BANK1: variants seen among roughly 807,000 people sequenced by gnomAD.
BANK1 encodes the protein B-cell scaffold protein with ankyrin repeats.
A neutral mutation model predicts 94.5 loss-of-function variants in BANK1; 95 were observed. The observed-to-expected ratio is 1.00, with a 90% CI of 0.85 to 1.19. The LOEUF (loss-of-function observed/expected upper bound fraction) is 1.19. BANK1 is among the 50% of genes most tolerant of loss of function. The pLI, the probability that BANK1 is intolerant of heterozygous loss-of-function variation, is 0.00. For missense variants in BANK1, 987 were observed against 932.2 expected, an observed-to-expected ratio of 1.06 and a Z score of -0.77; for synonymous variants, 334 against 308.4, an observed-to-expected ratio of 1.08 and a Z score of -0.87.
chr4:102,024,787 A>G (rs1183729828), intron 8 of BANK1, among the ~76,000 whole-genome samples: 9 of 152,132 alleles, frequency 5.9e-5, no homozygotes, highest in Admixed American at 3.3e-4. Context: ...ATTCATTTCT[A>G]TTTATTATTT....
Position 101,945,835 on chromosome 4 carries a change from C to T in BANK1, c.1206+27646C>T, listed in dbSNP as rs1723908133. ...TGAGCATAAGAGAGGATAGAAACAC[C>T]AATGACATCAGGACATATACTACAT... On this transcript the variant is annotated intron_variant, in intron 7 of 16. Coordinates refer to ENST00000322953, the MANE Select transcript of BANK1 (RefSeq NM_017935.5). Among the ~76,000 whole-genome samples the T allele has an allele frequency of 2.6e-5, 4 of 151,796 alleles. 1 individual carries two copies. Among genetic ancestry groups the T allele is most frequent in the South Asian group, 4.1e-4 (2 of 4,820 alleles).
At chr4:101,944,039 T>A (rs2631250) in intron 7 of BANK1, among the ~76,000 whole-genome samples, 82,715 of 126,308 alleles carry the variant, frequency 0.65, 23,383 homozygotes, top group South Asian at 0.79. Flanking sequence ...TGTGTGTGTG[T>A]GAGAGAGAGA....
At chr4:101,828,383 T>TTATTTATATATATATATATATATATATA (rs1360582658) in intron 1 of BANK1, among the ~76,000 whole-genome samples, 1 of 142,126 alleles carries the variant, frequency 7.0e-6, no homozygotes, top group African/African-American at 2.6e-5. Flanking sequence ...ATGAGTGAAT[T>TTATTTATATATATATATATATATATATA]TATATATATA....
chr4:101,830,213 T>C lies in BANK1; in HGVS notation c.469+7T>C. On this transcript the variant is annotated splice_region_variant and intron_variant, in intron 2 of 16. Coordinates refer to ENST00000322953, the MANE Select transcript of BANK1 (RefSeq NM_017935.5). ...CAGAGTATCATATTCAAAGGTAGTG[T>C]TGCCAAACCTTGTTTGTTTTATTTT... 3 of 1,478,740 alleles carry C rather than the reference T, an allele frequency of 2.0e-6. No individual in the cohort carries two copies. Among genetic ancestry groups the C allele is most frequent in the Non-Finnish European group, 1.8e-6 (2 of 1,118,744 alleles). 91.6% of individuals were successfully genotyped at this position (1,478,740 alleles called of 1,614,324 possible). A position where few individuals can be genotyped will look rare whatever the true frequency, so the allele number is the denominator to read the frequency against.
chr4:102,044,300 C>T lies in BANK1; in HGVS notation c.1969+393C>T, dbSNP rs543122602. On this transcript the variant is annotated intron_variant, in intron 11 of 16. Coordinates refer to ENST00000322953, the MANE Select transcript of BANK1 (RefSeq NM_017935.5). ...TGCGGTGTTTGGTTTTTTGTTCTTG[C>T]GACAGTTTACTGAGAATGATGATTT... Among the ~76,000 whole-genome samples the T allele has an allele frequency of 3.4e-4, 51 of 152,124 alleles. No individual in the cohort carries two copies. The East Asian group carries it at 7.5e-3, about 23-fold the overall frequency.
At chr4:101,941,890 T>C (rs1723757689) in intron 7 of BANK1, among the ~76,000 whole-genome samples, 1 of 151,880 alleles carries the variant, frequency 6.6e-6, no homozygotes, top group Non-Finnish European at 1.5e-5. Flanking sequence ...GTTGTTTTTA[T>C]TACTGACCCT....
chr4:101,850,647 C>T (rs1264565893), intron 2 of BANK1, among the ~76,000 whole-genome samples: 3 of 152,082 alleles, frequency 2.0e-5, no homozygotes, highest in Non-Finnish European at 4.4e-5. Context: ...TTGTGGCAAC[C>T]TTTTGTTGAG....
intron 2 of BANK1, among the ~76,000 whole-genome samples, chr4:101,847,521 T>G (rs1354759905): frequency 6.6e-6 from 1 of 152,056 alleles, no homozygotes; most frequent in East Asian, 1.9e-4. Context: ...ATTTGTAGTC[T>G]TCTATCCCTC....
chr4:101,958,094 C>T (rs1417862868), intron 7 of BANK1, among the ~76,000 whole-genome samples: 2 of 152,118 alleles, frequency 1.3e-5, no homozygotes, highest in South Asian at 4.1e-4. Flanking sequence ...GATCTGCCCA[C>T]CTCGGCCTCC....
chr4:101,796,349 G>C (rs1477830294), intron 1 of BANK1, among the ~76,000 whole-genome samples: 2 of 152,050 alleles, frequency 1.3e-5, no homozygotes. Context: ...AAAAAAGTTT[G>C]GGCTAGCATA....
At chr4:102,032,164 TGATACA>T (rs1193064133) in intron 10 of BANK1, 41 of 152,202 alleles carry the variant, frequency 2.7e-4, no homozygotes, top group African/African-American at 9.6e-4. Flanking sequence ...GGATATAGCT[TGATACA>T]AAAAGTTAGT....
intron 1 of BANK1, among the ~76,000 whole-genome samples, chr4:101,828,538 CTGCTT>C (rs1726468997): frequency 6.6e-6 from 1 of 151,856 alleles, no homozygotes. Context: ...ATCAAGTTTT[CTGCTT>C]TGGAACTTTA....
intron 7 of BANK1, among the ~76,000 whole-genome samples, chr4:101,959,613 T>C (rs971119840): frequency 1.3e-5 from 2 of 152,212 alleles, no homozygotes; most frequent in Non-Finnish European, 2.9e-5. Context: ...AAGTAATTTC[T>C]CTAATATATT....
chr4:101,950,549 C>T (rs1268954514), intron 7 of BANK1, among the ~76,000 whole-genome samples: 7 of 152,150 alleles, frequency 4.6e-5, no homozygotes, highest in Non-Finnish European at 8.8e-5. Context: ...TTCAAATGCT[C>T]TTTCTTTGAA....
chr4:101,804,017 A>G lies in BANK1; in HGVS notation c.70+13067A>G, dbSNP rs1181924069. ...CGTCTCAAAAAAAAAAAAAAAAAAA[A>G]AAAAAAAAGAAATATATAAAAAAAA... On this transcript the variant is annotated intron_variant, in intron 1 of 16. Coordinates refer to ENST00000322953, the MANE Select transcript of BANK1 (RefSeq NM_017935.5). Among the ~76,000 whole-genome samples, 612 of 137,356 alleles carry G rather than the reference A, an allele frequency of 4.5e-3. 6 individuals are homozygous for G. Among genetic ancestry groups the G allele is most frequent in the Non-Finnish European group, 7.3e-3 (446 of 61,470 alleles). 90.1% of individuals were successfully genotyped at this position (137,356 alleles called of 152,430 possible).
At chr4:101,974,536 C>T (rs1207387847) in intron 7 of BANK1, among the ~76,000 whole-genome samples, 2 of 152,160 alleles carry the variant, frequency 1.3e-5, no homozygotes, top group African/African-American at 4.8e-5. Flanking sequence ...CAACCTTCCA[C>T]TGTGCCAAAT....
chr4:102,059,159 G>A (rs760095945), intron 11 of BANK1, among the ~76,000 whole-genome samples: 8 of 152,190 alleles, frequency 5.3e-5, no homozygotes, highest in East Asian at 3.9e-4. Flanking sequence ...TGTTAATATC[G>A]TCTGGATAGT....
At chr4:101,884,783 T>C (rs13103438) in intron 5 of BANK1, among the ~76,000 whole-genome samples, 52,192 of 152,074 alleles carry the variant, frequency 0.34, 9,261 homozygotes, top group African/African-American at 0.38. Context: ...AACACTTTAG[T>C]CCATCGATTT....
chr4:101,795,531 G>C lies in BANK1; in HGVS notation c.70+4581G>C, dbSNP rs186799485. Among the ~76,000 whole-genome samples the C allele has an allele frequency of 7.5e-3, 1,146 of 151,974 alleles. 4 individuals carry two copies. The highest frequency in any genetic ancestry group is 0.013 in the Non-Finnish European group (855 of 67,956). ...TGTTACTGTCTGAAGAATCTCTAAG[G>C]TTACACATTTTCTATTGATTGCATT... is the stretch of plus-strand genomic sequence containing the variant. On this transcript the variant is annotated intron_variant, in intron 1 of 16. Coordinates refer to ENST00000322953, the MANE Select transcript of BANK1 (RefSeq NM_017935.5).
Sources: allele counts gnomAD v4.1 joint callset (sites outside exome capture counted in the v4.1 genomes callset), GRCh38; gene constraint gnomAD v4.1.1; transcripts MANE v1.5; gene names NCBI Gene and HGNC (gene_info 2026-07-23, HGNC 2026-07-21).